SLC28A1: variants seen among roughly 807,000 people sequenced by gnomAD.
SLC28A1 encodes sodium/nucleoside cotransporter 1.
In SLC28A1, 64 loss-of-function variants were observed where a neutral mutation model predicts 74.8. That is an observed-to-expected ratio of 0.86 (90% confidence interval 0.70 to 1.05). The LOEUF is 1.05. SLC28A1 is among the 50% of genes least tolerant of loss of function. The pLI, the probability that SLC28A1 is intolerant of heterozygous loss-of-function variation, is 0.00. For missense variants in SLC28A1, 828 were observed against 822.8 expected, an observed-to-expected ratio of 1.01 and a Z score of -0.08; for synonymous variants, 359 against 335.0, an observed-to-expected ratio of 1.07 and a Z score of -0.78.
chr15:84,917,027 CA>C lies in SLC28A1; in HGVS notation c.796-1484del, dbSNP rs71466062. Among the ~76,000 whole-genome samples, 24 of 27,704 alleles carry C rather than the reference CA, an allele frequency of 8.7e-4. No homozygotes were observed. The South Asian group carries it at 9.5e-3, about 11-fold the overall frequency. The allele number at this position is 27,704 out of a possible 152,430, so 18.2% of individuals were successfully genotyped here. A position where few individuals can be genotyped will look rare whatever the true frequency, so the allele number is the denominator to read the frequency against. ...TGGGCAACAGAGTGAGATTCTGTCT[CA>C]AAAAAAAAAAAATAAATAAAAAAGG... On this transcript the variant is annotated intron_variant, in intron 9 of 18. Transcript: ENST00000394573.
At chr15:84,949,384 G>A (rs2079339175), downstream of SLC28A1, among the ~76,000 whole-genome samples, 2 of 152,016 alleles carry the variant, frequency 1.3e-5, no homozygotes, top group Non-Finnish European at 2.9e-5. Context: ...AGGGTGTTTT[G>A]CTTTGTTGTT....
At chr15:84,908,490 G>A (rs1967604044) in intron 8 of SLC28A1, among the ~76,000 whole-genome samples, 1 of 152,078 alleles carries the variant, frequency 6.6e-6, no homozygotes, top group Non-Finnish European at 1.5e-5. Context: ...AGCCTGCAGA[G>A]CATATCTTTA....
At chr15:84,946,110 A>ATTTTTTT (rs1382844934), downstream of SLC28A1, among the ~76,000 whole-genome samples, 19 of 9,586 alleles carry the variant, frequency 2.0e-3, no homozygotes, top group African/African-American at 5.0e-3. Context: ...ATATATATAT[A>ATTTTTTT]TATTTTTTTT....
chr15:84,899,304 A>G (rs938610611), intron 6 of SLC28A1, among the ~76,000 whole-genome samples: 3 of 152,194 alleles, frequency 2.0e-5, no homozygotes, highest in Non-Finnish European at 4.4e-5. Flanking sequence ...TCAGTGGCAA[A>G]TATACACAAT....
chr15:84,906,017 T>TA (rs1967050058), intron 8 of SLC28A1, among the ~76,000 whole-genome samples: 1 of 83,112 alleles, frequency 1.2e-5, no homozygotes, highest in Non-Finnish European at 2.9e-5. Flanking sequence ...ACATTTTTGT[T>TA]CTTTTTTTTT....
rs534401589 is a variant in SLC28A1, at chr15:84,904,119, C to G, written c.484C>G (p.Leu162Val). Residue 162 changes from leucine to valine, a missense_variant, in exon 7 of 19, where the codon CTG (leucine) becomes GTG (valine). Physicochemically the swap from Leu to Val is conservative, Grantham distance 32. Coordinates refer to ENST00000394573, the MANE Select transcript of SLC28A1 (RefSeq NM_004213.5). ...FKRGLALAAF[L>V]GLVLWLSLDT... ...CAGGGGTCTAGCTCTTGCTGCTTTCCTGGGCCTGGTCCTGTGGCTGTCTCT... is the reference window on the plus strand; with the variant it reads ...CAGGGGTCTAGCTCTTGCTGCTTTCGTGGGCCTGGTCCTGTGGCTGTCTCT... The G allele has an allele frequency of 9.3e-6, 15 of 1,614,222 alleles. No homozygotes were observed. In the South Asian group the frequency reaches 1.5e-4, roughly 17 times the overall value.
chr15:84,905,478 C>A, intron 7 of SLC28A1, 61 bp from the exon 8 acceptor site: 1 of 1,200,884 alleles, frequency 8.3e-7, no homozygotes, highest in Non-Finnish European at 1.2e-6. Flanking sequence ...CTCACCCCCA[C>A]CCGGCTCCCT....
intron 12 of SLC28A1, among the ~76,000 whole-genome samples, chr15:84,930,838 C>T (rs941105050): frequency 2.6e-5 from 4 of 151,724 alleles, no homozygotes; most frequent in Admixed American, 6.6e-5. Flanking sequence ...AGTGCGATCT[C>T]GGCTCATTGC....
the SLC28A1 span, among the ~76,000 whole-genome samples, chr15:84,972,650 C>A: frequency 1.3e-5 from 2 of 152,294 alleles, no homozygotes; most frequent in South Asian, 4.2e-4. Flanking sequence ...TCCCACTGTA[C>A]CCTTCTAGGG....
intron 8 of SLC28A1, among the ~76,000 whole-genome samples, chr15:84,907,251 C>A (rs1028107574): frequency 3.9e-5 from 6 of 152,174 alleles, no homozygotes; most frequent in African/African-American, 1.4e-4. Context: ...AGTGCAGGAG[C>A]TCAGTCTAAA....
chr15:84,917,525 C>T (rs1969282545), intron 9 of SLC28A1, among the ~76,000 whole-genome samples: 1 of 151,444 alleles, frequency 6.6e-6, no homozygotes, highest in South Asian at 2.1e-4. Flanking sequence ...CCTCTTGCCT[C>T]AGCCTCCTGA....
At chr15:84,944,098 G>A (rs1973028923) in intron 16 of SLC28A1, among the ~76,000 whole-genome samples, 2 of 152,192 alleles carry the variant, frequency 1.3e-5, no homozygotes, top group Admixed American at 1.3e-4. Flanking sequence ...ACCCACAGTG[G>A]ACAGGCAGGC....
intron 11 of SLC28A1, 121 bp downstream of exon 11, chr15:84,921,190 G>T: frequency 2.6e-6 from 2 of 781,724 alleles, no homozygotes; most frequent in Non-Finnish European, 4.4e-6. Flanking sequence ...TTCTCCCAGG[G>T]TCATCAAATT....
chr15:84,899,025 T>C (rs1171154506), intron 6 of SLC28A1, among the ~76,000 whole-genome samples: 8 of 151,882 alleles, frequency 5.3e-5, no homozygotes, highest in Admixed American at 5.2e-4. Flanking sequence ...ACAAGGAAAC[T>C]ACCCTAGGGC....
At chr15:84,946,112 A>ATATT (rs57190791), downstream of SLC28A1, among the ~76,000 whole-genome samples, 8 of 13,474 alleles carry the variant, frequency 5.9e-4, 1 homozygote, top group Admixed American at 4.1e-3. Flanking sequence ...ATATATATAT[A>ATATT]TTTTTTTTTT....
At chr15:84,911,642 G>A (rs572958556) in intron 9 of SLC28A1, among the ~76,000 whole-genome samples, 2 of 152,110 alleles carry the variant, frequency 1.3e-5, no homozygotes, top group East Asian at 3.9e-4. Flanking sequence ...TGGTTCGATC[G>A]CTTGAGTTCA....
chr15:84,933,744 G>A (rs1028827670), intron 13 of SLC28A1, among the ~76,000 whole-genome samples: 1 of 152,190 alleles, frequency 6.6e-6, no homozygotes, highest in Non-Finnish European at 1.5e-5. Flanking sequence ...GGAGGCTGAG[G>A]CAGGCAAATC....
intron 6 of SLC28A1, chr15:84,895,845 G>A (rs1965945795): frequency 9.3e-7 from 1 of 1,078,258 alleles, no homozygotes; most frequent in South Asian, 2.9e-5. Context: ...AGAAGCTGGT[G>A]ACCAAAGATA....
At chr15:84,915,929 CTGTTGTTGT>C (rs71466061) in intron 9 of SLC28A1, among the ~76,000 whole-genome samples, 9 of 149,298 alleles carry the variant, frequency 6.0e-5, no homozygotes, top group African/African-American at 1.5e-4. Flanking sequence ...CCACCTCAAC[CTGTTGTTGT>C]TGTTGTTGTT....
Sources: allele counts gnomAD v4.1 joint callset (sites outside exome capture counted in the v4.1 genomes callset), GRCh38; gene constraint gnomAD v4.1.1; transcripts MANE v1.5; gene names NCBI Gene and HGNC (gene_info 2026-07-23, HGNC 2026-07-21).